The following TGS1 variants were observed in gnomAD, a reference collection of about 807,000 sequenced individuals.
TGS1 encodes the protein trimethylguanosine synthase.
TGS1 carries 69 observed loss-of-function variants against 92.2 expected under a neutral mutation model. The observed-to-expected ratio is 0.75, with a 90% CI of 0.62 to 0.91. TGS1 has a LOEUF of 0.91. Among genes scored for constraint, TGS1 ranks in the 40% least tolerant of loss-of-function variants. The pLI is 0.00. For synonymous variants in TGS1, 345 were observed against 338.1 expected (o/e 1.02, Z -0.22); for missense variants, 1,062 against 1,001.2 (o/e 1.06, Z -0.82).
chr8:55,812,486 ACT>A (rs1267425097), intron 11 of TGS1, among the ~76,000 whole-genome samples: 1 of 125,970 alleles, frequency 7.9e-6, no homozygotes, highest in South Asian at 2.9e-4. Context: ...ACAGAGCAAG[ACT>A]CTGTCTCAAA....
Position 55,796,013 on chromosome 8 carries a change from T to C in TGS1, c.1403T>C (p.Val468Ala). The C allele has an allele frequency of 1.2e-6, 2 of 1,605,154 alleles. No individual in the cohort carries two copies. Among genetic ancestry groups the C allele is most frequent in the Non-Finnish European group, 1.7e-6 (2 of 1,176,224 alleles). Residue 468 changes from valine (V) to alanine (A), a missense_variant, in exon 7 of 13, where the codon GTC becomes GCC. Val to Ala is a moderately conservative substitution (Grantham distance 64, BLOSUM62 0). Coordinates refer to ENST00000260129, the MANE Select transcript of TGS1 (RefSeq NM_024831.8). ...ATCCCAAATTTCAGTCATCGGCAGG[T>C]CAGGTATTTAGAGAAGAATGTGAAG... Reference protein sequence around the residue: ...GGIPNFSHRQVRYLEKNVKLK... With the variant: ...GGIPNFSHRQARYLEKNVKLK...
chr8:55,787,229 T>C (rs553224427), intron 4 of TGS1, among the ~76,000 whole-genome samples, 169 bp downstream of exon 4: 1 of 152,176 alleles, frequency 6.6e-6, no homozygotes, highest in South Asian at 2.1e-4. Context: ...TATCCTTTTC[T>C]ATTAATAAGA....
intron 11 of TGS1, 23 bp downstream of exon 11, chr8:55,811,120 G>T (rs753424646): frequency 3.1e-6 from 4 of 1,286,468 alleles, no homozygotes; most frequent in Non-Finnish European, 4.1e-6. Context: ...AGTCTTAAGA[G>T]TTTACTGAAA....
intron 10 of TGS1, among the ~76,000 whole-genome samples, chr8:55,809,711 A>T (rs1585786617): frequency 6.6e-6 from 1 of 152,360 alleles, no homozygotes; most frequent in South Asian, 2.1e-4. Flanking sequence ...CTGGGATTAC[A>T]GGCATGAGCC....
In TGS1 at chr8:55,790,169, TCTGCCTCTTTAGATTCACA is replaced by T. The variant is rs1294854145; in HGVS notation, c.1163-12_1169del. ...AAGGGGGAAAAGCTACTGCAATATT[TCTGCCTCTTTAGATTCACA>T]GAAGTCTTCAGGAGCAAACACAAGC... On this transcript the variant is annotated splice_acceptor_variant and splice_polypyrimidine_tract_variant and coding_sequence_variant and intron_variant, in exon 5 of 13. Coordinates refer to ENST00000260129, the MANE Select transcript of TGS1 (RefSeq NM_024831.8). LOFTEE classifies it high-confidence loss of function. The T allele has an allele frequency of 6.2e-7, 1 of 1,601,570 alleles. No homozygotes were observed. The highest frequency in any genetic ancestry group is 8.5e-7 in the Non-Finnish European group (1 of 1,169,636).
chr8:55,780,345 G>GT (rs1230728854), intron 1 of TGS1, among the ~76,000 whole-genome samples: 1 of 151,236 alleles, frequency 6.6e-6, no homozygotes, highest in Non-Finnish European at 1.5e-5. Flanking sequence ...AATTTTTTTT[G>GT]TTTTTTCTAG....
intron 4 of TGS1, among the ~76,000 whole-genome samples, chr8:55,788,686 A>G (rs1811788668): frequency 1.3e-5 from 2 of 151,080 alleles, no homozygotes; most frequent in African/African-American, 4.9e-5. Flanking sequence ...CTGGTTTCAA[A>G]CTCCTGACCT....
At chr8:55,789,486 G>A (rs893369685) in intron 4 of TGS1, among the ~76,000 whole-genome samples, 45 of 152,070 alleles carry the variant, frequency 3.0e-4, no homozygotes, top group African/African-American at 1.0e-3. Flanking sequence ...AGGCAGCTTT[G>A]TGGGTTAATT....
chr8:55,774,063 T>G (rs1370210266), intron 1 of TGS1, among the ~76,000 whole-genome samples: 1 of 152,228 alleles, frequency 6.6e-6, no homozygotes. Context: ...AGTGAAAGTT[T>G]AAAGTTGAGT....
At position 55,786,821 on chromosome 8, in the gene TGS1, G is replaced by A; in HGVS notation, c.923G>A (p.Gly308Asp). 1.2e-6 allele frequency: 2 copies of A among 1,614,068 alleles called. No individual in the cohort carries two copies. The highest frequency in any genetic ancestry group is 1.7e-6 in the Non-Finnish European group (2 of 1,179,998). ...ATTATGGTTGATAATGATAGCTCTG[G>A]TACAAGTGATAAGGATCATAGTGAA... ...SPIMVDNDSS[G>D]TSDKDHSEIL... The change falls in exon 4 of 13, where the codon GGT (glycine) becomes GAT (aspartate). Residue 308 changes from glycine to aspartate, a missense_variant. Physicochemically the swap from Gly to Asp is moderately conservative, Grantham distance 94. Transcript: ENST00000260129.
At chr8:55,791,983 C>T (rs1811900240) in intron 5 of TGS1, among the ~76,000 whole-genome samples, 1 of 152,178 alleles carries the variant, frequency 6.6e-6, no homozygotes, top group African/African-American at 2.4e-5. Flanking sequence ...CACTTGTACT[C>T]CATATAGCTT....
chr8:55,811,675 C>T (rs1439510930), intron 11 of TGS1, among the ~76,000 whole-genome samples: 2 of 151,992 alleles, frequency 1.3e-5, no homozygotes, highest in African/African-American at 2.4e-5. Context: ...GCAGGAGAAT[C>T]GCTTGGACCA....
At chr8:55,802,020 C>T (rs1812229459) in intron 8 of TGS1, among the ~76,000 whole-genome samples, 1 of 152,124 alleles carries the variant, frequency 6.6e-6, no homozygotes, top group African/African-American at 2.4e-5. Flanking sequence ...CGGTGAAACC[C>T]CGTCTCTACT....
At chr8:55,789,326 T>C (rs1361263652) in intron 4 of TGS1, among the ~76,000 whole-genome samples, 1 of 152,220 alleles carries the variant, frequency 6.6e-6, no homozygotes, top group Non-Finnish European at 1.5e-5. Flanking sequence ...AAAGATAGTA[T>C]TGTCTTTGTT....
At chr8:55,814,674 A>ATATATAT (rs1554564802) in intron 12 of TGS1, among the ~76,000 whole-genome samples, 88 of 123,326 alleles carry the variant, frequency 7.1e-4, no homozygotes, top group Middle Eastern at 4.2e-3. Flanking sequence ...AAAAAAAAAA[A>ATATATAT]ATATATATAT....
chr8:55,781,197 A>G (rs994040769), intron 1 of TGS1, among the ~76,000 whole-genome samples: 1 of 152,182 alleles, frequency 6.6e-6, no homozygotes, highest in African/African-American at 2.4e-5. Flanking sequence ...AACACTTTTA[A>G]AAACTATTTT....
intron 12 of TGS1, among the ~76,000 whole-genome samples, chr8:55,822,488 AATT>A (rs937640558): frequency 2.0e-5 from 3 of 152,144 alleles, no homozygotes; most frequent in Admixed American, 1.3e-4. Context: ...CTCAAAGAAA[AATT>A]ATTGTGAAAA....
chr8:55,787,214 CAA>C (rs1811745736), intron 4 of TGS1, among the ~76,000 whole-genome samples, 154 bp downstream of exon 4: 1 of 152,116 alleles, frequency 6.6e-6, no homozygotes, highest in African/African-American at 2.4e-5. Context: ...TTTCATATCA[CAA>C]GTTATCCTTT....
chr8:55,809,655 G>A (rs1803286671), intron 10 of TGS1, among the ~76,000 whole-genome samples: 2 of 151,922 alleles, frequency 1.3e-5, no homozygotes, highest in Admixed American at 6.6e-5. Flanking sequence ...ATGGGGTTTC[G>A]AACTCCTGAG....
Sources: allele counts gnomAD v4.1 joint callset (sites outside exome capture counted in the v4.1 genomes callset), GRCh38; gene constraint gnomAD v4.1.1; transcripts MANE v1.5; gene names NCBI Gene and HGNC (gene_info 2026-07-23, HGNC 2026-07-21).